Variants in NFIB observed in about 807,000 individuals in gnomAD.
NFIB encodes the protein nuclear factor 1 B-type.
Under a neutral mutation model 61.5 loss-of-function variants are expected in NFIB, and 11 were observed. The observed-to-expected ratio is 0.18, with a 90% CI of 0.11 to 0.30. The LOEUF (loss-of-function observed/expected upper bound fraction) is 0.30. Ranked by LOEUF, NFIB falls within the 10% of genes least tolerant of loss-of-function variation. NFIB has a pLI of 1.00. For missense variants in NFIB, 471 were observed against 608.9 expected (o/e 0.77, Z 2.38); for synonymous variants, 260 against 216.5 (o/e 1.20, Z -1.76).
At chr9:14,231,135 A>AATATATATATATATATAT (rs1554681460) in intron 2 of NFIB, among the ~76,000 whole-genome samples, 1 of 35,350 alleles carries the variant, frequency 2.8e-5, no homozygotes, top group African/African-American at 1.0e-4. Context: ...AAAAAAAAAA[A>AATATATATATATATATAT]ATATATATAT....
intron 2 of NFIB, among the ~76,000 whole-genome samples, chr9:14,216,540 CTCCCTCTGTGTGTGTGTGTGTG>C (rs1339667777): frequency 3.3e-3 from 96 of 29,354 alleles, no homozygotes; most frequent in African/African-American, 0.018. Flanking sequence ...CTCTCTCTCT[CTCCCTCTGTGTGTGTGTGTGTG>C]TGTGTGTGTG....
At chr9:14,299,410 C>A (rs555205015) in intron 2 of NFIB, among the ~76,000 whole-genome samples, 2 of 152,124 alleles carry the variant, frequency 1.3e-5, no homozygotes, top group African/African-American at 4.8e-5. Flanking sequence ...TCAATGAATA[C>A]TATTAAGTTG....
At chr9:14,290,525 A>C (rs1477856168) in intron 2 of NFIB, among the ~76,000 whole-genome samples, 2 of 152,106 alleles carry the variant, frequency 1.3e-5, no homozygotes, top group Non-Finnish European at 2.9e-5. Flanking sequence ...CTTAGAAAAT[A>C]AAACTAATTT....
intron 1 of NFIB, among the ~76,000 whole-genome samples, chr9:14,328,155 T>G (rs2060777373): frequency 6.6e-6 from 1 of 152,242 alleles, no homozygotes; most frequent in Non-Finnish European, 1.5e-5. Flanking sequence ...CCCGCCTTTT[T>G]TTCTTTTGTG....
intron 2 of NFIB, among the ~76,000 whole-genome samples, chr9:14,182,708 C>G (rs796969120): frequency 4.0e-4 from 39 of 96,998 alleles, no homozygotes; most frequent in African/African-American, 1.1e-3. Flanking sequence ...CTCTCTCTCT[C>G]TGTGTGTGTG....
intron 3 of NFIB, among the ~76,000 whole-genome samples, chr9:14,157,784 G>T (rs2043609322): frequency 6.6e-6 from 1 of 152,016 alleles, no homozygotes; most frequent in African/African-American, 2.4e-5. Flanking sequence ...TGTTGCTTTT[G>T]TTATTGTTTA....
At chr9:14,527,540 A>G in the NFIB span, among the ~76,000 whole-genome samples, 1 of 152,226 alleles carries the variant, frequency 6.6e-6, no homozygotes, top group Non-Finnish European at 1.5e-5. Flanking sequence ...AGAAGCTTTC[A>G]TTAATATGAT....
Position 14,129,813 on chromosome 9 carries a change from T to A in NFIB, c.926-4047A>T, listed in dbSNP as rs553271651. Among the ~76,000 whole-genome samples the A allele has an allele frequency of 2.6e-5, 4 of 152,274 alleles. No homozygotes were observed. The South Asian group carries it at 8.3e-4, about 32-fold the overall frequency. On this transcript the variant is annotated intron_variant, in intron 6 of 10. Coordinates refer to ENST00000380953, the MANE Select transcript of NFIB (RefSeq NM_001190737.2). ...GAATAATGCATAAATATATAATAAC[T>A]TGAATAATGCATACATAATAATGCA...
At position 14,395,588 on chromosome 9, in the gene NFIB, G is replaced by C. The variant is rs145310470; in HGVS notation, c.108+2936C>G. ...TAAAACTGAAATGTAAGCCGGCCCC[G>C]ATCTGTATGCAGCATGACCTCTTCC... On this transcript the variant is annotated intron_variant, in intron 1 of 8. Transcript: ENST00000380934. Among the ~76,000 whole-genome samples, 992 of 152,016 alleles carry C rather than the reference G, an allele frequency of 6.5e-3. 5 individuals are homozygous for C. Among genetic ancestry groups the C allele is most frequent in the Non-Finnish European group, 0.01 (712 of 67,972 alleles).
chr9:14,453,980 A>C, the NFIB span, among the ~76,000 whole-genome samples: 1 of 152,096 alleles, frequency 6.6e-6, no homozygotes, highest in Non-Finnish European at 1.5e-5. Flanking sequence ...CAGGAGGCTG[A>C]GGCAGGAGAA....
chr9:14,213,749 C>T (rs1563908277), intron 2 of NFIB, among the ~76,000 whole-genome samples: 1 of 152,200 alleles, frequency 6.6e-6, no homozygotes, highest in Non-Finnish European at 1.5e-5. Context: ...AGATGCATTG[C>T]TCAGGATCTC....
At chr9:14,403,326 C>T (rs1214008092), upstream of NFIB, among the ~76,000 whole-genome samples, 1 of 152,188 alleles carries the variant, frequency 6.6e-6, no homozygotes, top group Non-Finnish European at 1.5e-5. Flanking sequence ...GCAGGCAAGG[C>T]AGGGCATCTG....
chr9:14,178,910 T>G (rs1417839098), intron 3 of NFIB, among the ~76,000 whole-genome samples: 2 of 152,126 alleles, frequency 1.3e-5, no homozygotes, highest in Non-Finnish European at 2.9e-5. Flanking sequence ...CAGATGAGAT[T>G]GTTTGGGGAG....
At chr9:14,451,978 G>T in the NFIB span, among the ~76,000 whole-genome samples, 1 of 152,032 alleles carries the variant, frequency 6.6e-6, no homozygotes, top group Non-Finnish European at 1.5e-5. Context: ...GCTGGGGCGA[G>T]GATGCAGTTA....
chr9:14,325,364 T>C (rs2060740882), intron 1 of NFIB, among the ~76,000 whole-genome samples: 1 of 152,134 alleles, frequency 6.6e-6, no homozygotes, highest in African/African-American at 2.4e-5. Context: ...GCAGTTAAGA[T>C]TTTTCTGCTT....
intron 2 of NFIB, 149 bp downstream of exon 2, chr9:14,306,840 G>A (rs2060044156): frequency 2.3e-6 from 2 of 875,988 alleles, no homozygotes; most frequent in Non-Finnish European, 3.5e-6. Flanking sequence ...CAGCGGACAT[G>A]TGAGTGAAAG....
chr9:14,450,573 C>A, the NFIB span, among the ~76,000 whole-genome samples: 1 of 152,054 alleles, frequency 6.6e-6, no homozygotes, highest in Non-Finnish European at 1.5e-5. Context: ...TTATAACAAA[C>A]CTTGCTCAGT....
intron 1 of NFIB, among the ~76,000 whole-genome samples, chr9:14,392,896 T>C (rs1282765702): frequency 5.9e-5 from 9 of 152,172 alleles, no homozygotes; most frequent in Non-Finnish European, 8.8e-5. Flanking sequence ...TGCTTAGCAA[T>C]CCATCTCAAA....
At chr9:14,515,590 C>T in the NFIB span, among the ~76,000 whole-genome samples, 4 of 152,124 alleles carry the variant, frequency 2.6e-5, no homozygotes, top group Non-Finnish European at 4.4e-5. Flanking sequence ...GAAACTGAAT[C>T]GTGGGCCCAG....
Sources: allele counts gnomAD v4.1 joint callset (sites outside exome capture counted in the v4.1 genomes callset), GRCh38; gene constraint gnomAD v4.1.1; transcripts MANE v1.5; gene names NCBI Gene and HGNC (gene_info 2026-07-23, HGNC 2026-07-21).